TBRG1: variants seen among roughly 807,000 people sequenced by gnomAD.
TBRG1 encodes the protein nuclear interactor of ARF and MDM2.
TBRG1 carries 31 observed loss-of-function variants against 44.0 expected under a neutral mutation model. That is an observed-to-expected ratio of 0.70 (90% CI 0.53 to 0.95). The LOEUF (loss-of-function observed/expected upper bound fraction) is 0.95. TBRG1 is among the 40% of genes least tolerant of loss of function. The probability of loss-of-function intolerance (pLI) is 0.00; values close to 1 mark genes in which losing one functional copy is unlikely to be tolerated. For missense variants in TBRG1, 487 were observed against 496.1 expected, an observed-to-expected ratio of 0.98 and a Z score of 0.18; for synonymous variants, 171 against 188.1, an observed-to-expected ratio of 0.91 and a Z score of 0.74.
chr11:124,629,549 G>T (rs1942564671), intron 5 of TBRG1, among the ~76,000 whole-genome samples: 1 of 152,132 alleles, frequency 6.6e-6, no homozygotes, highest in Admixed American at 6.5e-5. Context: ...ACGGTAAATT[G>T]AATCCAGTGA....
In TBRG1 at chr11:124,625,641, T is replaced by C. The variant is rs763164219; in HGVS notation, c.222-30T>C. 19 of 1,539,424 alleles carry C rather than the reference T, an allele frequency of 1.2e-5. No homozygotes were observed. In the African/African-American group the frequency reaches 1.2e-4, roughly 10 times the overall value. On this transcript the variant is annotated intron_variant, in intron 2 of 8. Coordinates refer to ENST00000441174, the MANE Select transcript of TBRG1 (RefSeq NM_032811.3). ...TGAATTGAGACAATACGGAAGTTCA[T>C]TTCTCTGCTCCTTTCCTTCCTGATC... is the stretch of plus-strand genomic sequence containing the variant.
chr11:124,628,413 CA>C (rs1049756271), intron 5 of TBRG1, among the ~76,000 whole-genome samples: 1 of 148,846 alleles, frequency 6.7e-6, no homozygotes, highest in African/African-American at 2.5e-5. Context: ...TTCTGAATGG[CA>C]AAAGACACCA....
chr11:124,628,146 CAGACT>C (rs1942526188), intron 5 of TBRG1, among the ~76,000 whole-genome samples: 1 of 134,502 alleles, frequency 7.4e-6, no homozygotes, highest in East Asian at 2.4e-4. Flanking sequence ...CACACACACA[CAGACT>C]AAATATATGT....
chr11:124,624,243 T>C (rs1356364386), intron 1 of TBRG1, among the ~76,000 whole-genome samples: 1 of 151,898 alleles, frequency 6.6e-6, no homozygotes, highest in Non-Finnish European at 1.5e-5. Context: ...ATGAAGATTT[T>C]GTGAAGAAAA....
chr11:124,623,530 T>C (rs1591371562), intron 1 of TBRG1: 2 of 439,004 alleles, frequency 4.6e-6, no homozygotes, highest in South Asian at 4.0e-5. Context: ...TGCAGGACTC[T>C]AGGAAATGTG....
chr11:124,626,428 C>T, intron 3 of TBRG1, 45 bp from the exon 4 acceptor site: 1 of 1,469,536 alleles, frequency 6.8e-7, no homozygotes, highest in Non-Finnish European at 9.1e-7. Context: ...TTCCCTTCAA[C>T]ATTGGAAGGG....
At chr11:124,630,608 A>C (rs530892513) in intron 6 of TBRG1, 123 bp downstream of exon 6, 1 of 1,008,668 alleles carries the variant, frequency 9.9e-7, no homozygotes, top group Non-Finnish European at 1.6e-6. Flanking sequence ...GATCCTCCTG[A>C]CATTGTGCCA....
chr11:124,626,430 T>C, intron 3 of TBRG1, 43 bp from the exon 4 acceptor site: 1 of 1,472,050 alleles, frequency 6.8e-7, no homozygotes, highest in Non-Finnish European at 9.1e-7. Flanking sequence ...CCCTTCAACA[T>C]TGGAAGGGGC....
At position 124,634,731 on chromosome 11, in the gene TBRG1, C is replaced by CTAT. The variant is rs1942685104; in HGVS notation, c.*2498_*2500dup. On this transcript the variant is annotated 3_prime_UTR_variant, in exon 9 of 9. Coordinates refer to ENST00000441174, the MANE Select transcript of TBRG1 (RefSeq NM_032811.3). ...AACTGAAACACTCTAAATCTATATT[C>CTAT]TATTATTTACATAAGAAAATTATTT... 1 of 152,098 alleles carries CTAT rather than the reference C, an allele frequency of 6.6e-6. No individual in the cohort carries two copies. Among genetic ancestry groups the CTAT allele is most frequent in the Non-Finnish European group, 1.5e-5 (1 of 68,016 alleles). 9.4% of individuals were successfully genotyped at this position (152,098 alleles called of 1,614,324 possible).
chr11:124,628,306 C>T (rs1470130590), intron 5 of TBRG1, among the ~76,000 whole-genome samples: 1 of 149,250 alleles, frequency 6.7e-6, no homozygotes, highest in African/African-American at 2.4e-5. Flanking sequence ...TTTTTATAAT[C>T]TTAGGGTGAG....
Position 124,625,905 on chromosome 11 carries a change from T to G in TBRG1, c.454+2T>G. 1 of 1,565,272 alleles carries G rather than the reference T, an allele frequency of 6.4e-7. No individual in the cohort carries two copies. The highest frequency in any genetic ancestry group is 8.6e-7 in the Non-Finnish European group (1 of 1,158,700). Reference sequence around the variant, plus strand: ...GCAAAGAGAACAACAAACTGGAAGGTACTTTGGGGAGATGATATCAGTTGC... The same window carrying G: ...GCAAAGAGAACAACAAACTGGAAGGGACTTTGGGGAGATGATATCAGTTGC... On this transcript the variant is annotated splice_donor_variant, in intron 3 of 8. Coordinates refer to ENST00000441174, the MANE Select transcript of TBRG1 (RefSeq NM_032811.3). LOFTEE classifies it high-confidence loss of function.
At chr11:124,623,850 T>C (rs535535764) in intron 1 of TBRG1, among the ~76,000 whole-genome samples, 3 of 152,336 alleles carry the variant, frequency 2.0e-5, no homozygotes, top group African/African-American at 7.2e-5. Flanking sequence ...TGAATAAACT[T>C]AATATAGCTT....
chr11:124,628,116 TACACACACACAC>T lies in TBRG1; in HGVS notation c.738+1086_738+1097del, dbSNP rs368617758. Among the ~76,000 whole-genome samples, 58 of 41,922 alleles carry T rather than the reference TACACACACACAC, an allele frequency of 1.4e-3. 1 individual carries two copies. The highest frequency in any genetic ancestry group is 8.5e-3 in the South Asian group (10 of 1,178). The allele number at this position is 41,922 out of a possible 152,430, so 27.5% of individuals were successfully genotyped here. A position where few individuals can be genotyped will look rare whatever the true frequency, so the allele number is the denominator to read the frequency against. On this transcript the variant is annotated intron_variant, in intron 5 of 8. Coordinates refer to ENST00000441174, the MANE Select transcript of TBRG1 (RefSeq NM_032811.3). ...ATATATATATATATATATATATATATACACACACACACACACACACACACACACACAGACTAA... is the reference window on the plus strand; with the variant it reads ...ATATATATATATATATATATATATATACACACACACACACACACAGACTAA...
rs1296947791 is a variant in TBRG1, at chr11:124,632,296, A to T, written c.*58A>T. The T allele has an allele frequency of 6.5e-7, 1 of 1,536,178 alleles. No individual in the cohort carries two copies. The highest frequency in any genetic ancestry group is 8.9e-7 in the Non-Finnish European group (1 of 1,121,156). ...TCGTGATTAATTTAACTTAAACTAA[A>T]ATTTTGGGTATATGAAAGAAGGCAG... is the stretch of plus-strand genomic sequence containing the variant. On this transcript the variant is annotated 3_prime_UTR_variant, in exon 9 of 9. Coordinates refer to ENST00000441174, the MANE Select transcript of TBRG1 (RefSeq NM_032811.3).
rs1231414991 is a variant in TBRG1, at chr11:124,635,276, G to A, written c.*3038G>A. On this transcript the variant is annotated 3_prime_UTR_variant, in exon 9 of 9. Coordinates refer to ENST00000441174, the MANE Select transcript of TBRG1 (RefSeq NM_032811.3). ...CCAGATGCATGAGAGGTCAAAGCAT[G>A]GGCAATAGGGGTTAACTGAACGAGT... 1 of 152,234 alleles carries A rather than the reference G, an allele frequency of 6.6e-6. No individual in the cohort carries two copies. The highest frequency in any genetic ancestry group is 1.5e-5 in the Non-Finnish European group (1 of 68,042). 9.4% of individuals were successfully genotyped at this position (152,234 alleles called of 1,614,324 possible).
In TBRG1 at chr11:124,623,769, C is replaced by T. The variant is rs144452919; in HGVS notation, c.150+536C>T. Among the ~76,000 whole-genome samples, 906 of 151,932 alleles carry T rather than the reference C, an allele frequency of 6.0e-3. 12 individuals carry two copies. The highest frequency in any genetic ancestry group is 0.021 in the African/African-American group (860 of 41,208). ...GGTACATGAAACTGTCAGTAATTTCCCCCCTCTAACCTTTGAGTGTTCCAA... is the reference window on the plus strand; with the variant it reads ...GGTACATGAAACTGTCAGTAATTTCTCCCCTCTAACCTTTGAGTGTTCCAA... On this transcript the variant is annotated intron_variant, in intron 1 of 8. Transcript: ENST00000441174.
chr11:124,623,500 A>G (rs766793537), intron 1 of TBRG1: 1 of 520,928 alleles, frequency 1.9e-6, no homozygotes, highest in Non-Finnish European at 3.6e-6. Flanking sequence ...ATACCAATAA[A>G]TTTTAGTCAT....
chr11:124,630,136 C>T, intron 5 of TBRG1: 1 of 402,896 alleles, frequency 2.5e-6, no homozygotes, highest in South Asian at 2.5e-5. Flanking sequence ...TGGAAAGGTA[C>T]ACAACAAATT....
chr11:124,625,745 G>C lies in TBRG1; in HGVS notation c.296G>C (p.Ser99Thr), dbSNP rs1339789123. Residue 99 changes from serine (S) to threonine (T), a missense_variant, in exon 3 of 9, where the codon AGT becomes ACT. Physicochemically the swap from Ser to Thr is moderately conservative, Grantham distance 58. Transcript: ENST00000441174. ...GEVQAAAPSH[S>T]SSLPLTYGVA... is the part of the protein sequence containing the mutation. The stretch of plus-strand genomic sequence containing the variant: ...GTACAGGCTGCAGCTCCTTCCCACA[G>C]TTCCAGTTTGCCCCTGACTTATGGT... 2 of 1,562,526 alleles carry C rather than the reference G, an allele frequency of 1.3e-6. No individual in the cohort carries two copies. The highest frequency in any genetic ancestry group is 2.7e-5 in the African/African-American group (2 of 73,724).
Sources: gnomAD v4.1 joint callset for allele counts (sites outside exome capture counted in the v4.1 genomes callset) on GRCh38, gnomAD v4.1.1 for gene constraint, MANE v1.5 for transcripts, NCBI Gene and HGNC (gene_info 2026-07-23, HGNC 2026-07-21) for gene names.